The following COL5A2 variants were observed in gnomAD, a reference collection of about 807,000 sequenced individuals.
COL5A2 encodes the protein collagen alpha-2(V) chain.
COL5A2 carries 23 observed loss-of-function variants against 208.2 expected under a neutral mutation model. The observed-to-expected ratio is 0.11, with a 90% CI of 0.08 to 0.16. The LOEUF (loss-of-function observed/expected upper bound fraction) is 0.16, where lower values mean the gene tolerates loss of function less well. Among genes scored for constraint, COL5A2 ranks in the 10% least tolerant of loss-of-function variants. The probability of loss-of-function intolerance (pLI) is 1.00; values close to 1 mark genes in which losing one functional copy is unlikely to be tolerated. For synonymous variants in COL5A2, 625 were observed against 628.5 expected (o/e 0.99, Z 0.08); for missense variants, 1,590 against 1,956.4 (o/e 0.81, Z 3.53).
chr2:189,202,179 C>A (rs1689087601), intron 1 of COL5A2, among the ~76,000 whole-genome samples: 1 of 151,784 alleles, frequency 6.6e-6, no homozygotes, highest in Non-Finnish European at 1.5e-5. Context: ...CACAATCTAG[C>A]AGTGGGGGGA....
At chr2:189,279,928 G>T in the COL5A2 span, among the ~76,000 whole-genome samples, 1 of 152,116 alleles carries the variant, frequency 6.6e-6, no homozygotes, top group Non-Finnish European at 1.5e-5. Context: ...TAGAGGTGGG[G>T]CCTTTGGGAG....
chr2:189,097,344 T>C lies in COL5A2; in HGVS notation c.403-14A>G. The C allele has an allele frequency of 6.2e-7, 1 of 1,613,754 alleles. No individual in the cohort carries two copies. The highest frequency in any genetic ancestry group is 8.5e-7 in the Non-Finnish European group (1 of 1,179,754). On this transcript the variant is annotated splice_polypyrimidine_tract_variant and intron_variant, in intron 5 of 53. Coordinates refer to ENST00000374866, the MANE Select transcript of COL5A2 (RefSeq NM_000393.5). ...TCCTGGAGGTCCCTAAAACAGAAAATGATGATTATGCATGCAAAAATGTAT... is the reference window on the plus strand; with the variant it reads ...TCCTGGAGGTCCCTAAAACAGAAAACGATGATTATGCATGCAAAAATGTAT...
chr2:189,231,030 G>C, the COL5A2 span, among the ~76,000 whole-genome samples: 1 of 151,908 alleles, frequency 6.6e-6, no homozygotes, highest in Non-Finnish European at 1.5e-5. Flanking sequence ...GCTACAACAT[G>C]GATGAATCTT....
chr2:189,046,012 C>A, intron 45 of COL5A2, 105 bp from the exon 46 acceptor site: 1 of 790,546 alleles, frequency 1.3e-6, no homozygotes, highest in Non-Finnish European at 2.0e-6. Flanking sequence ...AAAAAATACC[C>A]TTTAAAACTT....
chr2:189,351,753 A>C, the COL5A2 span, among the ~76,000 whole-genome samples: 1 of 152,200 alleles, frequency 6.6e-6, no homozygotes, highest in African/African-American at 2.4e-5. Flanking sequence ...GGACGGAAGG[A>C]AGAAAAAAGG....
the COL5A2 span, among the ~76,000 whole-genome samples, chr2:189,263,098 G>A: frequency 2.6e-5 from 4 of 151,972 alleles, no homozygotes; most frequent in East Asian, 7.7e-4. Context: ...GCAGGACATA[G>A]GAGAATTCTT....
At chr2:189,402,852 C>A in the COL5A2 span, among the ~76,000 whole-genome samples, 1 of 152,002 alleles carries the variant, frequency 6.6e-6, no homozygotes, top group Non-Finnish European at 1.5e-5. Context: ...ATGATGCCTC[C>A]AACTTCTTTC....
At chr2:189,440,522 G>A in the COL5A2 span, among the ~76,000 whole-genome samples, 2 of 152,154 alleles carry the variant, frequency 1.3e-5, no homozygotes, top group African/African-American at 4.8e-5. Flanking sequence ...ATAATCTTAC[G>A]GAATCACCAT....
chr2:189,158,202 A>G (rs528802058), intron 1 of COL5A2, among the ~76,000 whole-genome samples: 1 of 152,038 alleles, frequency 6.6e-6, no homozygotes, highest in Non-Finnish European at 1.5e-5. Flanking sequence ...TAATTTATGG[A>G]AATTTGGGGT....
At chr2:189,088,461 T>C (rs1208231677) in intron 8 of COL5A2, among the ~76,000 whole-genome samples, 1 of 152,188 alleles carries the variant, frequency 6.6e-6, no homozygotes, top group Non-Finnish European at 1.5e-5. Flanking sequence ...TTAAATAAAA[T>C]GTACAGATAG....
rs1466503218 is a variant in COL5A2, at chr2:189,088,183, CT to C, written c.645+511del. 2.0e-5 allele frequency among the ~76,000 whole-genome samples: 3 copies of C among 152,192 alleles called. No individual in the cohort carries two copies. The South Asian group carries it at 6.2e-4, about 32-fold the overall frequency. Reference sequence around the variant, plus strand: ...AAATATCCAGGAAAAAAATGGGAGTCTTTCTGATGTTGAAGAAATTCAAAAG... The same window carrying C: ...AAATATCCAGGAAAAAAATGGGAGTCTTCTGATGTTGAAGAAATTCAAAAG... On this transcript the variant is annotated intron_variant, in intron 8 of 53. Transcript: ENST00000374866.
chr2:189,301,186 C>CAA, the COL5A2 span, among the ~76,000 whole-genome samples: 253 of 146,056 alleles, frequency 1.7e-3, 1 homozygote, highest in African/African-American at 5.9e-3. Context: ...AACCCTGTCT[C>CAA]AAAAAAAAAA....
intron 1 of COL5A2, among the ~76,000 whole-genome samples, chr2:189,197,621 A>C (rs1689021674): frequency 6.6e-6 from 1 of 152,066 alleles, no homozygotes; most frequent in Admixed American, 6.6e-5. Context: ...AATAATGTCC[A>C]TTTAGGTTAA....
intron 1 of COL5A2, among the ~76,000 whole-genome samples, chr2:189,156,778 T>C (rs1688256445): frequency 6.6e-6 from 1 of 152,152 alleles, no homozygotes; most frequent in African/African-American, 2.4e-5. Flanking sequence ...TAAAATCACA[T>C]TATCTTCTGA....
chr2:189,225,356 A>C (rs1689400538), upstream of COL5A2, among the ~76,000 whole-genome samples: 1 of 152,118 alleles, frequency 6.6e-6, no homozygotes, highest in African/African-American at 2.4e-5. Flanking sequence ...AATAAAGAAA[A>C]ATATTCATAT....
intron 9 of COL5A2, among the ~76,000 whole-genome samples, chr2:189,086,525 A>C (rs1559097097): frequency 6.6e-6 from 1 of 152,224 alleles, no homozygotes; most frequent in Non-Finnish European, 1.5e-5. Flanking sequence ...CAGATGATAA[A>C]AATTTATCCC....
the COL5A2 span, among the ~76,000 whole-genome samples, chr2:189,431,040 T>C: frequency 1.3e-5 from 2 of 152,198 alleles, no homozygotes; most frequent in East Asian, 1.9e-4. Flanking sequence ...CTGCTGGTGA[T>C]ACCCAGGCAA....
the COL5A2 span, among the ~76,000 whole-genome samples, chr2:189,302,004 A>G: frequency 2.6e-5 from 4 of 152,188 alleles, no homozygotes; most frequent in African/African-American, 9.7e-5. Context: ...CAAAAATTGA[A>G]TAACTATTTA....
At chr2:189,333,476 A>G in the COL5A2 span, among the ~76,000 whole-genome samples, 2 of 152,144 alleles carry the variant, frequency 1.3e-5, no homozygotes, top group East Asian at 3.8e-4. Context: ...GAAAAATACA[A>G]CTTAAAACTC....
Sources: allele counts gnomAD v4.1 joint callset (sites outside exome capture counted in the v4.1 genomes callset), GRCh38; gene constraint gnomAD v4.1.1; transcripts MANE v1.5; gene names NCBI Gene and HGNC (gene_info 2026-07-23, HGNC 2026-07-21).